CHERP: variants seen among roughly 807,000 people sequenced by gnomAD.
The protein encoded by CHERP is ERPROT 213-21.
Under a neutral mutation model 113.8 loss-of-function variants are expected in CHERP, and 8 were observed. That is an observed-to-expected ratio of 0.07 (90% CI 0.04 to 0.13). CHERP has a LOEUF of 0.13. Among genes scored for constraint, CHERP ranks in the 10% least tolerant of loss-of-function variants. The pLI, the probability that CHERP is intolerant of heterozygous loss-of-function variation, is 1.00. For synonymous variants in CHERP, 559 were observed against 524.5 expected, an observed-to-expected ratio of 1.07 and a Z score of -0.90; for missense variants, 884 against 1,298.2, an observed-to-expected ratio of 0.68 and a Z score of 4.90.
At position 16,529,788 on chromosome 19, in the gene CHERP, T is replaced by A; in HGVS notation, c.989A>T (p.Gln330Leu). The change falls in exon 8 of 17, where the codon CAG (glutamine) becomes CTG (leucine). Residue 330 changes from glutamine (Q) to leucine (L), a missense_variant. This residue lies in a region of CHERP where 464 missense variants were observed against 590.1 expected (regional missense o/e 0.79). Coordinates refer to ENST00000546361, the MANE Select transcript of CHERP (RefSeq NM_006387.6). The stretch of plus-strand genomic sequence containing the variant: ...CTGCTGTTGCTGCTGCTGCTGCTGC[T>A]GGGCCAGGCTGGTGACAAACTCCTC... The part of the protein sequence containing the change: ...QHEEFVTSLA[Q>L]QQQQQQQQQQ... The A allele has an allele frequency of 6.2e-7, 1 of 1,613,398 alleles. No individual in the cohort carries two copies. Among genetic ancestry groups the A allele is most frequent in the Middle Eastern group, 1.7e-4 (1 of 6,052 alleles).
rs2122282270 is a variant in CHERP at position 16,535,995 on chromosome 19, C to G, written c.200-359G>C. Among the ~76,000 whole-genome samples, 1 of 152,346 alleles carries G rather than the reference C, an allele frequency of 6.6e-6. No individual in the cohort carries two copies. Among genetic ancestry groups the G allele is most frequent in the East Asian group, 1.9e-4 (1 of 5,180 alleles). On this transcript the variant is annotated intron_variant, in intron 2 of 16. Coordinates refer to ENST00000546361, the MANE Select transcript of CHERP (RefSeq NM_006387.6). The surrounding 1 kb of genome is among the most constrained non-coding windows in gnomAD (Gnocchi z 4.3). ...ACCTAGGCCCCACCTGATGCAGAAC[C>G]CAGGCCTCAGTACCTCTCATCCTCC...
chr19:16,539,129 C>T lies in CHERP; in HGVS notation c.199+2741G>A, dbSNP rs530159829. 7.3e-5 allele frequency among the ~76,000 whole-genome samples: 11 copies of T among 151,658 alleles called. No individual in the cohort carries two copies. In the South Asian group the frequency reaches 8.4e-4, roughly 12 times the overall value. ...CTTGTTTAAAACTCTTGTGGCTTCC[C>T]GCTGCCTTTAGAAACGGTTTTTTTT... On this transcript the variant is annotated intron_variant, in intron 2 of 16. Transcript: ENST00000546361.
chr19:16,526,432 G>C (rs1271648455), intron 9 of CHERP, among the ~76,000 whole-genome samples: 1 of 152,334 alleles, frequency 6.6e-6, no homozygotes, highest in Non-Finnish European at 1.5e-5. Flanking sequence ...TCCAAGAGAA[G>C]CCAGAGAGCC....
At position 16,530,578 on chromosome 19, in the gene CHERP, C is replaced by T. The variant is rs765079118; in HGVS notation, c.876+7G>A. ...AGGGTGAGGTGTGGGTGGGCAGGGA[C>T]ACTCACCTGGTACTGACCAAGCCCC... On this transcript the variant is annotated splice_region_variant and intron_variant, in intron 7 of 16. Coordinates refer to ENST00000546361, the MANE Select transcript of CHERP (RefSeq NM_006387.6). This position sits in a 1 kb window ranked among gnomAD's most constrained non-coding sequence, Gnocchi z 4.1. 1.1e-5 allele frequency: 17 copies of T among 1,613,220 alleles called. No individual in the cohort carries two copies. Among genetic ancestry groups the T allele is most frequent in the Non-Finnish European group, 1.4e-5 (17 of 1,179,382 alleles).
rs1393219782 is a variant in CHERP, at chr19:16,523,173, T to C, written c.1859A>G (p.Asn620Ser). ...TCGCCGCATGTGTGGGGGCTGCCCG[T>C]TGAAGCCATGGGGGGGAGGGCCGAA... Reference protein sequence around the residue: ...PDFGPPPHGFNGQPPHMRRQG... With the variant: ...PDFGPPPHGFSGQPPHMRRQG... The change falls in exon 11 of 17, where the codon AAC becomes AGC. Residue 620 changes from asparagine to serine, a missense_variant. By Grantham distance (46) the Asn-to-Ser change is conservative. Transcript: ENST00000546361. The surrounding 1 kb of genome is among the most constrained non-coding windows in gnomAD (Gnocchi z 4.0). 1 of 1,570,510 alleles carries C rather than the reference T, an allele frequency of 6.4e-7. No homozygotes were observed. The highest frequency in any genetic ancestry group is 8.6e-7 in the Non-Finnish European group (1 of 1,161,474).
Position 16,525,097 on chromosome 19 carries a change from C to T in CHERP, c.1741+145G>A. ...TGCCCCCACTTCCTGAGAACCCAGG[C>T]CGGGCTCCTCGGACGTCCCATGACC... On this transcript the variant is annotated intron_variant, in intron 10 of 16. Transcript: ENST00000546361. This position sits in a 1 kb window ranked among gnomAD's most constrained non-coding sequence, Gnocchi z 6.5. The T allele has an allele frequency of 5.2e-6, 4 of 765,316 alleles. No individual in the cohort carries two copies. The highest frequency in any genetic ancestry group is 7.3e-6 in the Non-Finnish European group (4 of 547,826). 47.4% of individuals were successfully genotyped at this position (765,316 alleles called of 1,614,324 possible). A position where few individuals can be genotyped will look rare whatever the true frequency, so the allele number is the denominator to read the frequency against.
chr19:16,525,746 TC>T lies in CHERP; in HGVS notation c.1306-70del. On this transcript the variant is annotated intron_variant, in intron 9 of 16. Coordinates refer to ENST00000546361, the MANE Select transcript of CHERP (RefSeq NM_006387.6). This position sits in a 1 kb window ranked among gnomAD's most constrained non-coding sequence, Gnocchi z 6.5. Reference sequence around the variant, plus strand: ...CTAGTGCTCGGCAGCATCACAGCGCTCGGCAGCATCACAGCGCTGGCTCAGA... The same window carrying T: ...CTAGTGCTCGGCAGCATCACAGCGCTGGCAGCATCACAGCGCTGGCTCAGA... 7.3e-7 allele frequency: 1 copy of T among 1,363,518 alleles called. No individual in the cohort carries two copies. The highest frequency in any genetic ancestry group is 1.6e-5 in the South Asian group (1 of 64,278). The allele number at this position is 1,363,518 out of a possible 1,614,324, so 84.5% of individuals were successfully genotyped here. A position where few individuals can be genotyped will look rare whatever the true frequency, so the allele number is the denominator to read the frequency against.
Position 16,542,397 on chromosome 19 carries a change from C to G in CHERP, c.-19G>C. 1 of 1,356,088 alleles carries G rather than the reference C, an allele frequency of 7.4e-7. No homozygotes were observed. Among genetic ancestry groups the G allele is most frequent in the South Asian group, 2.2e-5 (1 of 46,184 alleles). The allele number at this position is 1,356,088 out of a possible 1,614,324, so 84.0% of individuals were successfully genotyped here. A position where few individuals can be genotyped will look rare whatever the true frequency, so the allele number is the denominator to read the frequency against. ...TCTCCATGGCTCCGGCCGCGGGGAA[C>G]GTCCTCCGGCGCCACACGATCGACC... On this transcript the variant is annotated 5_prime_UTR_variant, in exon 1 of 17. Coordinates refer to ENST00000546361, the MANE Select transcript of CHERP (RefSeq NM_006387.6).
chr19:16,521,591 G>A lies in CHERP; in HGVS notation c.2044C>T (p.Pro682Ser), dbSNP rs1206807279. ...KDIRLPPPMP[P>S]SERLLAAVEA... ...ACTGCAGCCAGCAGCCTCTCGCTGG[G>A]CGGCATGGGGGGTGGGAGGCGGATG... The change falls in exon 12 of 17, where the codon CCC (proline) becomes TCC (serine). Residue 682 changes from proline to serine, a missense_variant. This residue lies in a region of CHERP where 464 missense variants were observed against 590.1 expected (regional missense o/e 0.79). Transcript: ENST00000546361. The A allele has an allele frequency of 6.2e-7, 1 of 1,609,506 alleles. No individual in the cohort carries two copies. Among genetic ancestry groups the A allele is most frequent in the Admixed American group, 1.7e-5 (1 of 59,620 alleles).
At chr19:16,541,566 G>C (rs1166874690) in intron 2 of CHERP, 1 of 302,734 alleles carries the variant, frequency 3.3e-6, no homozygotes, top group Non-Finnish European at 6.1e-6. Context: ...TTCCTCCCTA[G>C]AAAACACTAA....
In CHERP at chr19:16,525,729, C is replaced by A. The variant is rs976066768; in HGVS notation, c.1306-52G>T. The A allele has an allele frequency of 5.0e-6, 7 of 1,406,266 alleles. No homozygotes were observed. The highest frequency in any genetic ancestry group is 2.7e-5 in the Admixed American group (1 of 37,516). 87.1% of individuals were successfully genotyped at this position (1,406,266 alleles called of 1,614,324 possible). ...CCTGCGTGGTCTAGGCCCTAGTGCTCGGCAGCATCACAGCGCTCGGCAGCA... is the reference window on the plus strand; with the variant it reads ...CCTGCGTGGTCTAGGCCCTAGTGCTAGGCAGCATCACAGCGCTCGGCAGCA... On this transcript the variant is annotated intron_variant, in intron 9 of 16. Coordinates refer to ENST00000546361, the MANE Select transcript of CHERP (RefSeq NM_006387.6). The surrounding 1 kb of genome is among the most constrained non-coding windows in gnomAD (Gnocchi z 6.5).
chr19:16,521,036 G>A (rs1216794724), intron 12 of CHERP, 124 bp from the exon 13 acceptor site: 9 of 805,562 alleles, frequency 1.1e-5, no homozygotes, highest in Admixed American at 3.9e-5. Context: ...TGTGGGCTCC[G>A]AGCATGGGCG....
chr19:16,519,368 C>A lies in CHERP; in HGVS notation c.2558-16G>T. ...CCGCTCCAGCCTGGAAACAGAGACG[C>A]AGTCACAACCACAACAAGGCGGAGG... is the stretch of plus-strand genomic sequence containing the variant. On this transcript the variant is annotated splice_polypyrimidine_tract_variant and intron_variant, in intron 16 of 16. Transcript: ENST00000546361. This position sits in a 1 kb window ranked among gnomAD's most constrained non-coding sequence, Gnocchi z 6.0. 1 of 1,606,438 alleles carries A rather than the reference C, an allele frequency of 6.2e-7. No homozygotes were observed.
intron 2 of CHERP, among the ~76,000 whole-genome samples, chr19:16,541,028 G>C (rs908123657): frequency 6.6e-6 from 1 of 152,078 alleles, no homozygotes; most frequent in Non-Finnish European, 1.5e-5. Flanking sequence ...AACACCAACT[G>C]TGTGTTATGT....
chr19:16,539,146 G>GTTTTTT (rs889826521), intron 2 of CHERP, among the ~76,000 whole-genome samples: 1 of 130,878 alleles, frequency 7.6e-6, no homozygotes, highest in Non-Finnish European at 1.6e-5. Flanking sequence ...TTTAGAAACG[G>GTTTTTT]TTTTTTTTTT....
Position 16,519,988 on chromosome 19 carries a change from G to T in CHERP, c.2462+161C>A. The T allele has an allele frequency of 1.3e-6, 1 of 790,468 alleles. No individual in the cohort carries two copies. Among genetic ancestry groups the T allele is most frequent in the Non-Finnish European group, 2.1e-6 (1 of 487,298 alleles). The allele number at this position is 790,468 out of a possible 1,614,324, so 49.0% of individuals were successfully genotyped here. ...GACCCCAGTTACTGCCTCAGGCTTC[G>T]CCAAGTGGCTACTGTGGTGAAGGGT... On this transcript the variant is annotated intron_variant, in intron 15 of 16. Transcript: ENST00000546361. This position sits in a 1 kb window ranked among gnomAD's most constrained non-coding sequence, Gnocchi z 6.0.
At position 16,519,999 on chromosome 19, in the gene CHERP, A is replaced by G; in HGVS notation, c.2462+150T>C. ...CTGCCTCAGGCTTCGCCAAGTGGCTACTGTGGTGAAGGGTGAGGGGTGCCA... is the reference window on the plus strand; with the variant it reads ...CTGCCTCAGGCTTCGCCAAGTGGCTGCTGTGGTGAAGGGTGAGGGGTGCCA... On this transcript the variant is annotated intron_variant, in intron 15 of 16. Coordinates refer to ENST00000546361, the MANE Select transcript of CHERP (RefSeq NM_006387.6). This position sits in a 1 kb window ranked among gnomAD's most constrained non-coding sequence, Gnocchi z 6.0. 1.2e-6 allele frequency: 1 copy of G among 829,480 alleles called. No homozygotes were observed. 51.4% of individuals were successfully genotyped at this position (829,480 alleles called of 1,614,324 possible).
chr19:16,536,360 C>T (rs1194958798), intron 2 of CHERP, among the ~76,000 whole-genome samples: 1 of 152,184 alleles, frequency 6.6e-6, no homozygotes, highest in Non-Finnish European at 1.5e-5. Flanking sequence ...GGACCCGGCT[C>T]ATAAGGAGGC....
Position 16,520,525 on chromosome 19 carries a change from A to G in CHERP, c.2202-18T>C. 3 of 1,604,744 alleles carry G rather than the reference A, an allele frequency of 1.9e-6. No individual in the cohort carries two copies. The highest frequency in any genetic ancestry group is 1.7e-6 in the Non-Finnish European group (2 of 1,175,006). On this transcript the variant is annotated intron_variant, in intron 13 of 16. Transcript: ENST00000546361. This position sits in a 1 kb window ranked among gnomAD's most constrained non-coding sequence, Gnocchi z 4.0. ...AGGGTCCGCTGTGGGGAGAGGCCTG[A>G]TGATCAGGTGCCCCAGTGGATGGGC...
Sources: allele counts gnomAD v4.1 joint callset (sites outside exome capture counted in the v4.1 genomes callset), GRCh38; gene constraint gnomAD v4.1.1; regional missense constraint gnomAD v4.1.1; non-coding constraint Gnocchi (gnomAD v3.1); transcripts MANE v1.5; gene names NCBI Gene and HGNC (gene_info 2026-07-23, HGNC 2026-07-21).